Variants in FAF1 observed in about 807,000 individuals in gnomAD.
The protein encoded by FAF1 is Fas associated factor 1, also known as FAS-associated factor 1.
Under a neutral mutation model 92.5 loss-of-function variants are expected in FAF1, and 25 were observed. The ratio of observed to expected loss-of-function variants is 0.27; its 90% CI spans 0.20 to 0.38. The LOEUF (loss-of-function observed/expected upper bound fraction) is 0.38, where lower values mean the gene tolerates loss of function less well. Among genes scored for constraint, FAF1 ranks in the 10% least tolerant of loss-of-function variants. The pLI is 1.00. For synonymous variants in FAF1, 234 were observed against 273.2 expected, an observed-to-expected ratio of 0.86 and a Z score of 1.42; for missense variants, 636 against 793.3, an observed-to-expected ratio of 0.80 and a Z score of 2.38.
At chr1:50,869,171 T>C (rs1644506983) in intron 1 of FAF1, among the ~76,000 whole-genome samples, 2 of 152,178 alleles carry the variant, frequency 1.3e-5, no homozygotes, top group African/African-American at 4.8e-5. Flanking sequence ...CTACTTAGTC[T>C]GGTATTAATA....
At position 50,959,962 on chromosome 1, in the gene FAF1, G is replaced by A; in HGVS notation, c.-151C>T. On this transcript the variant is annotated 5_prime_UTR_variant, in exon 1 of 19. Transcript: ENST00000396153. ...GGCGGGCGGGTCGGCGGGCCAGCGG[G>A]CGGGGCAGCGCGGGAAGCGCTAGGC... 2.6e-6 allele frequency: 1 copy of A among 380,682 alleles called. No homozygotes were observed. The highest frequency in any genetic ancestry group is 4.4e-6 in the Non-Finnish European group (1 of 225,790). The allele number at this position is 380,682 out of a possible 1,614,324, so 23.6% of individuals were successfully genotyped here. A position where few individuals can be genotyped will look rare whatever the true frequency, so the allele number is the denominator to read the frequency against.
At chr1:50,490,714 C>G in intron 16 of FAF1, 49 bp from the exon 17 acceptor site, 1 of 1,096,848 alleles carries the variant, frequency 9.1e-7, no homozygotes. Flanking sequence ...TACTTGTTTA[C>G]AAAGAAAGAG....
At chr1:50,729,385 A>T (rs888483239) in intron 6 of FAF1, among the ~76,000 whole-genome samples, 1 of 150,492 alleles carries the variant, frequency 6.6e-6, no homozygotes, top group Non-Finnish European at 1.5e-5. Context: ...CTATGGTCAC[A>T]AGTGAAATGT....
In FAF1 at chr1:50,738,844, G is replaced by A. The variant is rs888870645; in HGVS notation, c.551+19C>T. 3 of 1,501,966 alleles carry A rather than the reference G, an allele frequency of 2.0e-6. No homozygotes were observed. The highest frequency in any genetic ancestry group is 1.4e-5 in the African/African-American group (1 of 72,088). 93.0% of individuals were successfully genotyped at this position (1,501,966 alleles called of 1,614,324 possible). On this transcript the variant is annotated intron_variant, in intron 6 of 18. Transcript: ENST00000396153. Reference sequence around the variant, plus strand: ...CTGAGTTTTTCATTTCATGTTCCCAGGAAATATAAACAACTTACCCAGCAT... The same window carrying A: ...CTGAGTTTTTCATTTCATGTTCCCAAGAAATATAAACAACTTACCCAGCAT...
intron 14 of FAF1, among the ~76,000 whole-genome samples, chr1:50,537,265 G>A (rs766211599): frequency 3.2e-4 from 48 of 152,136 alleles, no homozygotes; most frequent in Non-Finnish European, 6.2e-4. Context: ...TAATTTTTAG[G>A]CTTAAGTCAC....
At chr1:50,508,859 C>A (rs1308030508) in intron 15 of FAF1, among the ~76,000 whole-genome samples, 3 of 152,174 alleles carry the variant, frequency 2.0e-5, no homozygotes, top group Non-Finnish European at 4.4e-5. Context: ...AGCCACCACA[C>A]CCTGCTAATT....
At chr1:50,939,024 G>C (rs1345308428) in intron 1 of FAF1, among the ~76,000 whole-genome samples, 2 of 152,024 alleles carry the variant, frequency 1.3e-5, no homozygotes, top group African/African-American at 4.8e-5. Context: ...TGTTCTTTTT[G>C]CTTAGGAATG....
At chr1:50,631,346 C>A (rs906707992) in intron 8 of FAF1, among the ~76,000 whole-genome samples, 1 of 152,170 alleles carries the variant, frequency 6.6e-6, no homozygotes, top group Non-Finnish European at 1.5e-5. Flanking sequence ...CCAGATCTGT[C>A]CCCATCAGGA....
intron 7 of FAF1, among the ~76,000 whole-genome samples, chr1:50,684,790 T>C (rs1363685782): frequency 6.6e-6 from 1 of 152,174 alleles, no homozygotes; most frequent in Non-Finnish European, 1.5e-5. Context: ...GTGATATAGA[T>C]TGGTTTAATG....
At chr1:50,692,241 C>CTGCGTG (rs1553128969) in intron 7 of FAF1, among the ~76,000 whole-genome samples, 3 of 129,002 alleles carry the variant, frequency 2.3e-5, no homozygotes, top group African/African-American at 8.7e-5. Flanking sequence ...GAAGTATTTA[C>CTGCGTG]TGTGTGTGTG....
intron 2 of FAF1, among the ~76,000 whole-genome samples, chr1:50,852,286 A>G (rs1217340513): frequency 7.9e-5 from 12 of 152,208 alleles, no homozygotes; most frequent in Admixed American, 7.9e-4. Flanking sequence ...AATATCAGTA[A>G]GAGTCAGAAG....
chr1:50,552,354 A>C (rs1195698933), intron 13 of FAF1, among the ~76,000 whole-genome samples: 1 of 152,036 alleles, frequency 6.6e-6, no homozygotes, highest in African/African-American at 2.4e-5. Context: ...CACCACAGTC[A>C]CTATGGTGGC....
At chr1:50,495,176 C>A (rs1007227488) in intron 15 of FAF1, among the ~76,000 whole-genome samples, 5 of 152,054 alleles carry the variant, frequency 3.3e-5, no homozygotes, top group Non-Finnish European at 7.4e-5. Context: ...CTATAGTCAT[C>A]CTGTTGTGCT....
At chr1:50,909,831 T>C (rs1000116116) in intron 1 of FAF1, among the ~76,000 whole-genome samples, 3 of 152,232 alleles carry the variant, frequency 2.0e-5, no homozygotes, top group Non-Finnish European at 4.4e-5. Context: ...GATCCCCCTT[T>C]AGCTCGGAGA....
intron 8 of FAF1, among the ~76,000 whole-genome samples, chr1:50,605,962 C>T (rs1407630052): frequency 6.6e-6 from 1 of 152,176 alleles, no homozygotes; most frequent in African/African-American, 2.4e-5. Context: ...AATGTCATTT[C>T]TCAGGAAAGC....
chr1:50,487,336 A>C (rs930347268), intron 17 of FAF1, among the ~76,000 whole-genome samples: 3 of 152,144 alleles, frequency 2.0e-5, no homozygotes, highest in Non-Finnish European at 4.4e-5. Context: ...AATGTACAGC[A>C]CCCTATCACA....
chr1:50,520,986 T>A (rs183624260), intron 15 of FAF1, among the ~76,000 whole-genome samples: 4 of 152,234 alleles, frequency 2.6e-5, no homozygotes, highest in Non-Finnish European at 5.9e-5. Flanking sequence ...CAACTTTAGA[T>A]GACAAATTCC....
In FAF1 at chr1:50,583,759, CAAAT is replaced by C. The variant is rs771028719; in HGVS notation, c.968-48_968-45del. ...AAAAAACAAAAACAAAAAAACAAAACAAATAGACACAAAAACAAACCACATAACA... is the reference window on the plus strand; with the variant it reads ...AAAAAACAAAAACAAAAAAACAAAACAGACACAAAAACAAACCACATAACA... On this transcript the variant is annotated intron_variant, in intron 10 of 18. Coordinates refer to ENST00000396153, the MANE Select transcript of FAF1 (RefSeq NM_007051.3). This position sits in a 1 kb window ranked among gnomAD's most constrained non-coding sequence, Gnocchi z 4.2. 15 of 1,291,508 alleles carry C rather than the reference CAAAT, an allele frequency of 1.2e-5. 1 individual carries two copies. Among genetic ancestry groups the C allele is most frequent in the South Asian group, 1.1e-4 (8 of 75,156 alleles). 80.0% of individuals were successfully genotyped at this position (1,291,508 alleles called of 1,614,324 possible).
At chr1:50,838,480 T>C (rs947405327) in intron 2 of FAF1, among the ~76,000 whole-genome samples, 7 of 148,528 alleles carry the variant, frequency 4.7e-5, no homozygotes, top group African/African-American at 1.7e-4. Flanking sequence ...TATATAATTA[T>C]ATATAAATAT....
Sources: allele counts gnomAD v4.1 joint callset (sites outside exome capture counted in the v4.1 genomes callset), GRCh38; gene constraint gnomAD v4.1.1; non-coding constraint Gnocchi (gnomAD v3.1); transcripts MANE v1.5; gene names NCBI Gene and HGNC (gene_info 2026-07-23, HGNC 2026-07-21).